Variants in PCDH15 observed in about 807,000 individuals in gnomAD.
PCDH15 encodes the protein protocadherin-15.
A neutral mutation model predicts 178.5 loss-of-function variants in PCDH15; 129 were observed. That is an observed-to-expected ratio of 0.72 (90% CI 0.63 to 0.84). The LOEUF is 0.84. Among genes scored for constraint, PCDH15 ranks in the 40% least tolerant of loss-of-function variants. The pLI, the probability that PCDH15 is intolerant of heterozygous loss-of-function variation, is 0.00. For missense variants in PCDH15, 2,230 were observed against 2,099.9 expected, an observed-to-expected ratio of 1.06 and a Z score of -1.21; for synonymous variants, 800 against 732.0, an observed-to-expected ratio of 1.09 and a Z score of -1.50.
chr10:55,317,412 T>G (rs1022751209), intron 1 of PCDH15, among the ~76,000 whole-genome samples: 2 of 152,310 alleles, frequency 1.3e-5, no homozygotes, highest in South Asian at 4.1e-4. Context: ...CTTTCCCATG[T>G]GTTTTAATAT....
intron 3 of PCDH15, among the ~76,000 whole-genome samples, chr10:54,520,933 A>T (rs2082785565): frequency 6.6e-6 from 1 of 151,952 alleles, no homozygotes; most frequent in Non-Finnish European, 1.5e-5. Context: ...ATGAAACGAA[A>T]ACATCATTCT....
At chr10:54,158,363 A>G (rs1334839256) in intron 13 of PCDH15, among the ~76,000 whole-genome samples, 1 of 152,196 alleles carries the variant, frequency 6.6e-6, no homozygotes, top group Non-Finnish European at 1.5e-5. Context: ...TAAAGCTATC[A>G]GATTGTGGGA....
chr10:55,067,053 G>A (rs370762643), intron 2 of PCDH15, among the ~76,000 whole-genome samples: 2 of 151,838 alleles, frequency 1.3e-5, no homozygotes, highest in Admixed American at 6.6e-5. Context: ...ATCAACAAAC[G>A]AAGAAAAGAG....
chr10:53,927,788 G>C (rs935098385), intron 25 of PCDH15, among the ~76,000 whole-genome samples: 4 of 152,012 alleles, frequency 2.6e-5, no homozygotes, highest in Non-Finnish European at 4.4e-5. Context: ...CATCCACACA[G>C]CACCTGTGAT....
rs533671290 is a variant in PCDH15, at chr10:54,735,679, T to A, written c.-29+65246A>T. 9.0e-3 allele frequency among the ~76,000 whole-genome samples: 1,088 copies of A among 120,646 alleles called. 19 individuals are homozygous for A. Among genetic ancestry groups the A allele is most frequent in the African/African-American group, 0.031 (1,002 of 32,352 alleles). 79.1% of individuals were successfully genotyped at this position (120,646 alleles called of 152,430 possible). On this transcript the variant is annotated intron_variant, in intron 1 of 37. Coordinates refer to ENST00000644397, the MANE Select transcript of PCDH15 (RefSeq NM_001384140.1). ...GGCACATATACACCATGGAATACTA[T>A]GCAGCCATAAAAAATGATGAGTTCA...
chr10:53,876,347 C>T (rs1209625571), intron 26 of PCDH15, among the ~76,000 whole-genome samples: 3 of 151,992 alleles, frequency 2.0e-5, no homozygotes, highest in Non-Finnish European at 2.9e-5. Context: ...ACCACCAGAT[C>T]CGGCTAATTT....
chr10:55,494,103 T>A (rs934457938), intron 2 of PCDH15, among the ~76,000 whole-genome samples: 9 of 151,796 alleles, frequency 5.9e-5, no homozygotes, highest in African/African-American at 2.2e-4. Flanking sequence ...TGCTGTTGGA[T>A]AAAATGTTCT....
At chr10:54,844,139 C>T (rs1174000363) in intron 3 of PCDH15, among the ~76,000 whole-genome samples, 2 of 151,966 alleles carry the variant, frequency 1.3e-5, no homozygotes, top group East Asian at 3.9e-4. Flanking sequence ...TCTACACAGC[C>T]AGTTCCATTT....
intron 2 of PCDH15, among the ~76,000 whole-genome samples, chr10:55,337,789 A>C (rs1214369310): frequency 6.6e-6 from 1 of 152,166 alleles, no homozygotes; most frequent in African/African-American, 2.4e-5. Flanking sequence ...CATAAATGAA[A>C]AATTTAAGGG....
intron 26 of PCDH15, among the ~76,000 whole-genome samples, chr10:53,891,537 C>T (rs1478312303): frequency 2.6e-5 from 4 of 152,192 alleles, no homozygotes; most frequent in African/African-American, 7.2e-5. Context: ...ATATGAGCCA[C>T]CAGCAAGTTT....
At chr10:55,363,840 G>C (rs1164398830) in intron 2 of PCDH15, among the ~76,000 whole-genome samples, 1 of 151,928 alleles carries the variant, frequency 6.6e-6, no homozygotes, top group African/African-American at 2.4e-5. Flanking sequence ...ATTTCACTAT[G>C]TTAGCCAGGT....
chr10:53,872,874 T>C (rs372144137), intron 26 of PCDH15, among the ~76,000 whole-genome samples: 7 of 152,170 alleles, frequency 4.6e-5, no homozygotes, highest in African/African-American at 1.4e-4. Flanking sequence ...AAAGTACCTA[T>C]ATCTGTACTT....
intron 1 of PCDH15, among the ~76,000 whole-genome samples, chr10:55,223,712 T>C (rs1840948951): frequency 2.7e-5 from 4 of 150,608 alleles, no homozygotes; most frequent in Non-Finnish European, 1.5e-5. Flanking sequence ...AAGATCACTA[T>C]GAAGCCATAA....
intron 26 of PCDH15, among the ~76,000 whole-genome samples, chr10:53,870,421 T>C (rs888240171): frequency 2.6e-5 from 4 of 152,186 alleles, no homozygotes; most frequent in Non-Finnish European, 4.4e-5. Flanking sequence ...AAAACCCTAT[T>C]GTCATATGTA....
At chr10:55,348,971 G>T (rs1347765424) in intron 2 of PCDH15, among the ~76,000 whole-genome samples, 1 of 152,120 alleles carries the variant, frequency 6.6e-6, no homozygotes, top group East Asian at 1.9e-4. Flanking sequence ...ACAAAACATT[G>T]TGGACATGAG....
At chr10:54,158,605 C>T (rs1021738847) in intron 13 of PCDH15, among the ~76,000 whole-genome samples, 1 of 152,044 alleles carries the variant, frequency 6.6e-6, no homozygotes, top group Non-Finnish European at 1.5e-5. Context: ...ATTGCTCTTT[C>T]CTGGTTCTGA....
chr10:55,172,251 A>G (rs1422275563), intron 1 of PCDH15, among the ~76,000 whole-genome samples: 1 of 151,998 alleles, frequency 6.6e-6, no homozygotes, highest in Admixed American at 6.6e-5. Context: ...AGAAACTCTT[A>G]CTCACTATAA....
intron 2 of PCDH15, among the ~76,000 whole-genome samples, chr10:55,502,449 T>G (rs957582510): frequency 6.6e-6 from 1 of 151,720 alleles, no homozygotes; most frequent in African/African-American, 2.4e-5. Flanking sequence ...ACTATCATGA[T>G]CACACGCATA....
intron 2 of PCDH15, among the ~76,000 whole-genome samples, chr10:55,005,827 C>T (rs766084106): frequency 6.6e-6 from 1 of 151,966 alleles, no homozygotes; most frequent in Non-Finnish European, 1.5e-5. Flanking sequence ...TAAAATCTAG[C>T]TTGGTTACCC....
Sources: allele counts gnomAD v4.1 joint callset (sites outside exome capture counted in the v4.1 genomes callset), GRCh38; gene constraint gnomAD v4.1.1; transcripts MANE v1.5; gene names NCBI Gene and HGNC (gene_info 2026-07-23, HGNC 2026-07-21).